The following SPON1 variants were observed in gnomAD, a reference collection of about 807,000 sequenced individuals.
SPON1 encodes spondin-1.
In SPON1, 52 loss-of-function variants were observed where a neutral mutation model predicts 111.7. The observed-to-expected ratio is 0.47, with a 90% CI of 0.37 to 0.59. The LOEUF (loss-of-function observed/expected upper bound fraction) is 0.59. Among genes scored for constraint, SPON1 ranks in the 20% least tolerant of loss-of-function variants. SPON1 has a pLI of 0.00. For synonymous variants in SPON1, 410 were observed against 395.8 expected, an observed-to-expected ratio of 1.04 and a Z score of -0.43; for missense variants, 957 against 1,068.5, an observed-to-expected ratio of 0.90 and a Z score of 1.46.
intron 6 of SPON1, among the ~76,000 whole-genome samples, chr11:14,175,647 A>G (rs563073258): frequency 6.6e-6 from 1 of 152,260 alleles, no homozygotes; most frequent in East Asian, 1.9e-4. Context: ...TTTTACTCAA[A>G]CAGAGAAAGA....
At chr11:14,053,982 T>C (rs1358119858) in intron 3 of SPON1, among the ~76,000 whole-genome samples, 2 of 152,222 alleles carry the variant, frequency 1.3e-5, no homozygotes, top group Non-Finnish European at 2.9e-5. Flanking sequence ...TCTACCACTG[T>C]TCATTCTCAA....
chr11:13,986,972 A>T (rs1848190418), intron 2 of SPON1, among the ~76,000 whole-genome samples: 1 of 152,170 alleles, frequency 6.6e-6, no homozygotes, highest in Non-Finnish European at 1.5e-5. Context: ...ATTGATGGAC[A>T]TTTGGGTTGG....
intron 1 of SPON1, among the ~76,000 whole-genome samples, chr11:13,968,374 G>T (rs1848035630): frequency 1.3e-5 from 2 of 152,146 alleles, no homozygotes; most frequent in African/African-American, 4.8e-5. Context: ...CTGTGTAGTT[G>T]GTGGCTACTT....
rs1554909881 is a variant in SPON1 at position 13,982,939 on chromosome 11, G to T, written c.331G>T (p.Ala111Ser). ...AGAGGGTGATAAGGAAGAAGACCAT[G>T]CTGGGACCTTCCAGGTAAGACCCTG... ...NREGDKEEDH[A>S]GTFQIIDEEE... The change falls in exon 2 of 16, where the codon GCT becomes TCT. Residue 111 changes from alanine to serine, a missense_variant. Transcript: ENST00000576479. The T allele has an allele frequency of 6.4e-7, 1 of 1,553,406 alleles. No individual in the cohort carries two copies.
At chr11:14,248,050 G>T (rs1849011153) in intron 7 of SPON1, among the ~76,000 whole-genome samples, 1 of 152,222 alleles carries the variant, frequency 6.6e-6, no homozygotes, top group African/African-American at 2.4e-5. Context: ...CAAAGAAATT[G>T]GTAAGGAAGC....
intron 2 of SPON1, among the ~76,000 whole-genome samples, chr11:14,034,941 G>A (rs12279991): frequency 5.4e-4 from 82 of 152,266 alleles, no homozygotes; most frequent in African/African-American, 1.8e-3. Context: ...AGTTCTCTGC[G>A]ACCATCAGCA....
At chr11:14,036,137 G>T (rs1322860088) in intron 2 of SPON1, among the ~76,000 whole-genome samples, 1 of 152,184 alleles carries the variant, frequency 6.6e-6, no homozygotes, top group African/African-American at 2.4e-5. Context: ...CTCTGTGTAG[G>T]ATTTCAGTCT....
In SPON1 at chr11:14,160,937, ATATATATT is replaced by A. The variant is rs1195940287; in HGVS notation, c.825+25385_825+25392del. Among the ~76,000 whole-genome samples the A allele has an allele frequency of 0.026, 1,347 of 51,104 alleles. 280 individuals carry two copies. In the East Asian group the frequency reaches 0.33, roughly 12 times the overall value. The allele number at this position is 51,104 out of a possible 152,430, so 33.5% of individuals were successfully genotyped here. ...TATATTTATATATTTATATATTTAT[ATATATATT>A]TATATATTTATATATATTTATATAT... On this transcript the variant is annotated intron_variant, in intron 6 of 15. Coordinates refer to ENST00000576479, the MANE Select transcript of SPON1 (RefSeq NM_006108.4).
rs782487131 is a variant in SPON1 at position 14,041,664 on chromosome 11, C to T, written c.479+10C>T. The T allele has an allele frequency of 2.5e-6, 4 of 1,613,072 alleles. No homozygotes were observed. In the Admixed American group the frequency reaches 6.7e-5, roughly 27 times the overall value. On this transcript the variant is annotated intron_variant, in intron 3 of 15. Transcript: ENST00000576479. The stretch of plus-strand genomic sequence containing the variant: ...GCTGCGTGATTCTGAAGTAAGTAAA[C>T]ATGGAATCCTTCCCTGCAGTTTATC...
intron 1 of SPON1, among the ~76,000 whole-genome samples, chr11:13,965,407 T>G (rs1848008588): frequency 6.6e-6 from 1 of 152,190 alleles, no homozygotes; most frequent in African/African-American, 2.4e-5. Context: ...TAGTTGAGCA[T>G]TGGCAGCTGG....
intron 7 of SPON1, among the ~76,000 whole-genome samples, chr11:14,245,534 G>A (rs1848980038): frequency 6.6e-6 from 1 of 152,190 alleles, no homozygotes; most frequent in Non-Finnish European, 1.5e-5. Context: ...CCAGAGCAGG[G>A]GCAGAACCCT....
chr11:14,132,106 G>A (rs1250184647), intron 5 of SPON1, among the ~76,000 whole-genome samples: 11 of 152,168 alleles, frequency 7.2e-5, no homozygotes, highest in Admixed American at 2.0e-4. Context: ...GTGAAACCCC[G>A]TCTCTACTAA....
chr11:14,185,274 A>G (rs1188902187), intron 6 of SPON1, among the ~76,000 whole-genome samples: 1 of 152,192 alleles, frequency 6.6e-6, no homozygotes, highest in Non-Finnish European at 1.5e-5. Flanking sequence ...GTTCATTACT[A>G]TTGGCTATAG....
At chr11:14,191,352 T>C (rs1393664021) in intron 6 of SPON1, among the ~76,000 whole-genome samples, 1 of 152,174 alleles carries the variant, frequency 6.6e-6, no homozygotes, top group Non-Finnish European at 1.5e-5. Flanking sequence ...CTCCCCTTAA[T>C]TTATAACCTT....
Position 14,049,383 on chromosome 11 carries a change from C to A in SPON1, c.479+7729C>A, listed in dbSNP as rs1441177780. On this transcript the variant is annotated intron_variant, in intron 3 of 15. Coordinates refer to ENST00000576479, the MANE Select transcript of SPON1 (RefSeq NM_006108.4). The stretch of plus-strand genomic sequence containing the variant: ...GTTCCTTACCCTCTGGTCCTCCTCA[C>A]GCTGGTATAAGACTTGCTGTCCTCA... 6.6e-5 allele frequency among the ~76,000 whole-genome samples: 10 copies of A among 152,322 alleles called. No individual in the cohort carries two copies. The East Asian group carries it at 1.9e-3, about 29-fold the overall frequency.
chr11:14,051,371 C>T (rs1564894043), intron 3 of SPON1, among the ~76,000 whole-genome samples: 2 of 151,942 alleles, frequency 1.3e-5, no homozygotes, highest in Admixed American at 6.6e-5. Flanking sequence ...CTTGTCTCTA[C>T]AAAAAATAAA....
chr11:13,982,442 G>T (rs1313068059), intron 1 of SPON1, among the ~76,000 whole-genome samples: 1 of 152,198 alleles, frequency 6.6e-6, no homozygotes, highest in Non-Finnish European at 1.5e-5. Flanking sequence ...AGCAGCCTCT[G>T]CCACAAAGGT....
Position 14,135,689 on chromosome 11 carries a change from GA to G in SPON1, c.825+122del, listed in dbSNP as rs1847583674. The G allele has an allele frequency of 2.0e-6, 2 of 997,382 alleles. No homozygotes were observed. Among genetic ancestry groups the G allele is most frequent in the Non-Finnish European group, 2.9e-6 (2 of 678,378 alleles). 61.8% of individuals were successfully genotyped at this position (997,382 alleles called of 1,614,324 possible). A position where few individuals can be genotyped will look rare whatever the true frequency, so the allele number is the denominator to read the frequency against. On this transcript the variant is annotated intron_variant, in intron 6 of 15. Transcript: ENST00000576479. This position sits in a 1 kb window ranked among gnomAD's most constrained non-coding sequence, Gnocchi z 4.4. Reference sequence around the variant, plus strand: ...TGTGGTGGAAGAAAATCTATTTGCTGAGTTTGGGGGTTTTATGTTAAGTAGA... The same window carrying G: ...TGTGGTGGAAGAAAATCTATTTGCTGGTTTGGGGGTTTTATGTTAAGTAGA...
At chr11:14,160,492 TA>T (rs1554930874) in intron 6 of SPON1, among the ~76,000 whole-genome samples, 3 of 15,328 alleles carry the variant, frequency 2.0e-4, no homozygotes, top group South Asian at 2.7e-3. Context: ...TATATATATA[TA>T]TTTACATATA....
Sources: gnomAD v4.1 joint callset for allele counts (sites outside exome capture counted in the v4.1 genomes callset) on GRCh38, gnomAD v4.1.1 for gene constraint, Gnocchi (gnomAD v3.1) non-coding constraint, MANE v1.5 for transcripts, NCBI Gene and HGNC (gene_info 2026-07-23, HGNC 2026-07-21) for gene names.